Variants in CSMD1 observed in about 807,000 individuals in gnomAD.
CSMD1 encodes the protein CUB and Sushi multiple domains 1, also known as CUB and sushi domain-containing protein 1.
A neutral mutation model predicts 417.5 loss-of-function variants in CSMD1; 213 were observed. The observed-to-expected ratio is 0.51, with a 90% CI of 0.46 to 0.57. The LOEUF (loss-of-function observed/expected upper bound fraction) is 0.57. Among genes scored for constraint, CSMD1 ranks in the 20% least tolerant of loss-of-function variants. CSMD1 has a pLI of 0.00. For synonymous variants in CSMD1, 2,862 were observed against 1,736.8 expected (o/e 1.65, Z -16.11); for missense variants, 6,923 against 4,529.7 (o/e 1.53, Z -15.17).
At chr8:3,442,713 A>G (rs562866252) in intron 12 of CSMD1, among the ~76,000 whole-genome samples, 141 of 152,326 alleles carry the variant, frequency 9.3e-4, no homozygotes, top group African/African-American at 2.8e-3. Context: ...TAAGCAATGC[A>G]TGACTGCATA....
At chr8:2,978,177 G>A (rs1805092014) in intron 55 of CSMD1, among the ~76,000 whole-genome samples, 1 of 152,160 alleles carries the variant, frequency 6.6e-6, no homozygotes, top group Non-Finnish European at 1.5e-5. Flanking sequence ...TTCTTTGGCC[G>A]TAGATGCCAG....
chr8:2,947,933 T>C (rs1455268802), intron 68 of CSMD1, among the ~76,000 whole-genome samples: 1 of 151,996 alleles, frequency 6.6e-6, no homozygotes, highest in Non-Finnish European at 1.5e-5. Context: ...TTATCCTTTT[T>C]TTTTTTTTGG....
At chr8:3,156,819 G>C (rs1305875761) in intron 39 of CSMD1, among the ~76,000 whole-genome samples, 2 of 151,954 alleles carry the variant, frequency 1.3e-5, no homozygotes, top group African/African-American at 4.8e-5. Context: ...GGATTCCATG[G>C]AGACGATAAT....
intron 5 of CSMD1, among the ~76,000 whole-genome samples, chr8:3,864,701 G>A (rs1460232242): frequency 6.6e-6 from 1 of 152,072 alleles, no homozygotes; most frequent in East Asian, 1.9e-4. Context: ...CCTACTGGGA[G>A]GTTGGAACAT....
At chr8:3,828,988 C>T (rs1013038842) in intron 5 of CSMD1, among the ~76,000 whole-genome samples, 4 of 152,122 alleles carry the variant, frequency 2.6e-5, no homozygotes, top group Non-Finnish European at 5.9e-5. Flanking sequence ...GTTTTTACCC[C>T]AGCTGTTTCC....
At chr8:3,400,080 T>A (rs11136622) in intron 15 of CSMD1, among the ~76,000 whole-genome samples, 2 of 151,918 alleles carry the variant, frequency 1.3e-5, no homozygotes, top group East Asian at 3.9e-4. Context: ...TTAGACTGCA[T>A]TGAACCTTTT....
chr8:4,770,131 A>G (rs1796527021), intron 1 of CSMD1, among the ~76,000 whole-genome samples: 1 of 151,338 alleles, frequency 6.6e-6, no homozygotes, highest in Admixed American at 6.6e-5. Flanking sequence ...TACAATACCC[A>G]TAGTACCAGA....
At chr8:3,005,818 C>T (rs1009343924) in intron 52 of CSMD1, among the ~76,000 whole-genome samples, 4 of 152,090 alleles carry the variant, frequency 2.6e-5, no homozygotes, top group African/African-American at 9.7e-5. Flanking sequence ...CAATATCATA[C>T]TGAATGGGCA....
At chr8:3,848,768 T>G (rs1055165185) in intron 5 of CSMD1, among the ~76,000 whole-genome samples, 6 of 152,072 alleles carry the variant, frequency 3.9e-5, no homozygotes, top group African/African-American at 1.2e-4. Context: ...ATTATAATTG[T>G]CAAATATTTA....
At chr8:3,498,270 G>T (rs1262612632) in intron 10 of CSMD1, among the ~76,000 whole-genome samples, 1 of 152,054 alleles carries the variant, frequency 6.6e-6, no homozygotes, top group Admixed American at 6.5e-5. Context: ...TATTTATATT[G>T]CTATATCAAG....
At chr8:2,967,022 C>G (rs1223748371) in intron 57 of CSMD1, among the ~76,000 whole-genome samples, 1 of 152,158 alleles carries the variant, frequency 6.6e-6, no homozygotes, top group Non-Finnish European at 1.5e-5. Flanking sequence ...ACTAAAAGTT[C>G]AAGGCCCTGT....
chr8:4,691,884 C>T (rs1477967272), intron 1 of CSMD1, among the ~76,000 whole-genome samples: 1 of 152,198 alleles, frequency 6.6e-6, no homozygotes, highest in Non-Finnish European at 1.5e-5. Flanking sequence ...TGTGATTTGG[C>T]AGGTGCCATG....
intron 7 of CSMD1, among the ~76,000 whole-genome samples, chr8:3,673,076 A>G (rs1799164318): frequency 2.0e-5 from 3 of 152,196 alleles, no homozygotes; most frequent in Admixed American, 1.3e-4. Context: ...TATACTGTAA[A>G]TGTTCAATAA....
At chr8:3,859,198 C>T (rs186336526) in intron 5 of CSMD1, among the ~76,000 whole-genome samples, 19 of 152,270 alleles carry the variant, frequency 1.2e-4, no homozygotes, top group Admixed American at 5.9e-4. Context: ...ATGTGCGTAG[C>T]AGAGGAGTAC....
intron 1 of CSMD1, among the ~76,000 whole-genome samples, chr8:4,989,525 A>G (rs1811355603): frequency 6.6e-6 from 1 of 152,238 alleles, no homozygotes. Flanking sequence ...AAATTAAAAA[A>G]GAAGACATAC....
chr8:3,968,042 C>T (rs1812807260), intron 5 of CSMD1, among the ~76,000 whole-genome samples: 1 of 135,904 alleles, frequency 7.4e-6, no homozygotes, highest in African/African-American at 2.8e-5. Context: ...AAAAAATTAG[C>T]CGGGAGTGGT....
chr8:3,968,579 G>C (rs960681309), intron 5 of CSMD1, among the ~76,000 whole-genome samples: 2 of 152,134 alleles, frequency 1.3e-5, no homozygotes, highest in Non-Finnish European at 2.9e-5. Context: ...AAGAGAACAG[G>C]TGTATTTCAG....
chr8:4,486,251 A>G (rs1370441678), intron 2 of CSMD1, among the ~76,000 whole-genome samples: 2 of 18,530 alleles, frequency 1.1e-4, no homozygotes, highest in African/African-American at 2.9e-4. Context: ...ATATACATAC[A>G]TATATATATA....
At position 3,628,563 on chromosome 8, in the gene CSMD1, G is replaced by A. The variant is rs74491719; in HGVS notation, c.1010-11766C>T. Among the ~76,000 whole-genome samples, 795 of 152,246 alleles carry A rather than the reference G, an allele frequency of 5.2e-3. 6 individuals are homozygous for A. The highest frequency in any genetic ancestry group is 0.017 in the African/African-American group (723 of 41,546). On this transcript the variant is annotated intron_variant, in intron 7 of 69. Coordinates refer to ENST00000635120, the MANE Select transcript of CSMD1 (RefSeq NM_033225.6). Reference sequence around the variant, plus strand: ...AGCCAGAGCTGGTTGGATGCCACTGGGCCACGGCAGCCACTGGGCATCATG... The same window carrying A: ...AGCCAGAGCTGGTTGGATGCCACTGAGCCACGGCAGCCACTGGGCATCATG...
Sources: allele counts gnomAD v4.1 joint callset (sites outside exome capture counted in the v4.1 genomes callset), GRCh38; gene constraint gnomAD v4.1.1; transcripts MANE v1.5; gene names NCBI Gene and HGNC (gene_info 2026-07-23, HGNC 2026-07-21).